EXD3: variants seen among roughly 807,000 people sequenced by gnomAD.
The protein encoded by EXD3 is exonuclease 3'-5' domain containing 3, also known as exonuclease mut-7 homolog.
In EXD3, 92 loss-of-function variants were observed where a neutral mutation model predicts 98.0. The ratio of observed to expected loss-of-function variants is 0.94; its 90% confidence interval spans 0.79 to 1.12. EXD3 has a LOEUF of 1.12. Ranked by LOEUF, EXD3 falls within the 50% of genes most tolerant of loss-of-function variation. EXD3 has a pLI of 0.00. For missense variants in EXD3, 1,222 were observed against 1,191.6 expected (o/e 1.03, Z -0.38); for synonymous variants, 569 against 526.0 (o/e 1.08, Z -1.12).
chr9:137,309,806 C>T (rs1831269461), intron 19 of EXD3, 106 bp from the exon 20 acceptor site: 1 of 811,838 alleles, frequency 1.2e-6, no homozygotes, highest in Non-Finnish European at 2.0e-6. Flanking sequence ...CATGGGGTTT[C>T]ACAGAGACAG....
At chr9:137,379,165 T>G (rs1202286750) in intron 3 of EXD3, among the ~76,000 whole-genome samples, 5 of 25,726 alleles carry the variant, frequency 1.9e-4, no homozygotes, top group African/African-American at 2.9e-4. Context: ...CGGTGACCGT[T>G]GCCTGGGGCC....
chr9:137,370,193 T>TG (rs1393255577), intron 5 of EXD3, among the ~76,000 whole-genome samples: 2 of 152,154 alleles, frequency 1.3e-5, no homozygotes, highest in Non-Finnish European at 2.9e-5. Context: ...TCTCAGGCTT[T>TG]GGGGGCCCTG....
chr9:137,407,772 C>T lies in EXD3; in HGVS notation c.-47-12368G>A, dbSNP rs1236015851. Among the ~76,000 whole-genome samples the T allele has an allele frequency of 6.6e-5, 10 of 151,326 alleles. No homozygotes were observed. The highest frequency in any genetic ancestry group is 2.2e-4 in the African/African-American group (9 of 41,364). ...CCAGTGCTTCCGTCACTGGAGCCCA[C>T]GGGTCCACAGGCATTCGAGGTCTTG... On this transcript the variant is annotated intron_variant, in intron 1 of 21. Transcript: ENST00000340951. This position sits in a 1 kb window ranked among gnomAD's most constrained non-coding sequence, Gnocchi z 4.4.
chr9:137,363,678 A>G (rs1430981495), intron 7 of EXD3, among the ~76,000 whole-genome samples: 1 of 152,058 alleles, frequency 6.6e-6, no homozygotes, highest in East Asian at 1.9e-4. Flanking sequence ...AAACTTCACT[A>G]CTGAAACCAT....
At chr9:137,355,527 T>TG (rs1834641314) in intron 8 of EXD3, among the ~76,000 whole-genome samples, 1 of 15,832 alleles carries the variant, frequency 6.3e-5, no homozygotes, top group African/African-American at 2.7e-4. Context: ...GGAAGGAGGA[T>TG]GGAGGAAGGA....
chr9:137,364,850 G>A (rs1401830620), intron 7 of EXD3, among the ~76,000 whole-genome samples: 1 of 146,720 alleles, frequency 6.8e-6, no homozygotes, highest in Non-Finnish European at 1.5e-5. Context: ...CTCACTGCAA[G>A]CTCCGCCTCC....
intron 3 of EXD3, among the ~76,000 whole-genome samples, chr9:137,380,952 A>T (rs920449990): frequency 4.7e-5 from 7 of 150,428 alleles, no homozygotes; most frequent in African/African-American, 1.7e-4. Context: ...ATACAAAAAT[A>T]GCCAGGCGTG....
rs943801746 is a variant in EXD3, at chr9:137,324,230, C to T, written c.1999-87G>A. 1.4e-5 allele frequency: 16 copies of T among 1,184,130 alleles called. No homozygotes were observed. The highest frequency in any genetic ancestry group is 4.2e-5 in the South Asian group (3 of 71,876). 73.4% of individuals were successfully genotyped at this position (1,184,130 alleles called of 1,614,324 possible). A position where few individuals can be genotyped will look rare whatever the true frequency, so the allele number is the denominator to read the frequency against. ...CTCTGCTCGCCACCCCCTAGCTCCC[C>T]GGATCGTGGCCCTGCCCCAGGCCCC... On this transcript the variant is annotated intron_variant, in intron 17 of 21. Coordinates refer to ENST00000340951, the MANE Select transcript of EXD3 (RefSeq NM_017820.5). The surrounding 1 kb of genome is among the most constrained non-coding windows in gnomAD (Gnocchi z 4.1).
chr9:137,327,836 T>G (rs1588258475), intron 17 of EXD3, among the ~76,000 whole-genome samples: 1 of 127,142 alleles, frequency 7.9e-6, no homozygotes, highest in African/African-American at 3.0e-5. Context: ...ACCCATATGA[T>G]GAGTAAAAAC....
intron 1 of EXD3, among the ~76,000 whole-genome samples, chr9:137,410,785 T>G (rs1837958208): frequency 6.6e-6 from 1 of 152,116 alleles, no homozygotes; most frequent in Non-Finnish European, 1.5e-5. Flanking sequence ...GCGACGCTGC[T>G]GAGGGCGGGG....
At chr9:137,406,462 C>CAG (rs1254984012) in intron 1 of EXD3, among the ~76,000 whole-genome samples, 3 of 152,154 alleles carry the variant, frequency 2.0e-5, no homozygotes, top group Non-Finnish European at 2.9e-5. Context: ...GAGGCCCTGA[C>CAG]AGGAGGCCGC....
intron 17 of EXD3, among the ~76,000 whole-genome samples, chr9:137,342,892 C>T (rs1410568900): frequency 2.0e-5 from 3 of 152,188 alleles, no homozygotes; most frequent in Non-Finnish European, 4.4e-5. Flanking sequence ...GAGGCCGAGG[C>T]AGGTGGATTA....
chr9:137,355,035 G>A (rs1331652638), intron 8 of EXD3, among the ~76,000 whole-genome samples: 1 of 152,156 alleles, frequency 6.6e-6, no homozygotes, highest in Non-Finnish European at 1.5e-5. Flanking sequence ...GGGCCTCCCT[G>A]TCTTTCCTCA....
chr9:137,334,997 A>G (rs532514654), intron 17 of EXD3, among the ~76,000 whole-genome samples: 1 of 151,976 alleles, frequency 6.6e-6, no homozygotes, highest in Non-Finnish European at 1.5e-5. Context: ...GAATCACTTG[A>G]ATCTGGGAGG....
At chr9:137,326,167 C>T (rs533560753) in intron 17 of EXD3, among the ~76,000 whole-genome samples, 6 of 152,042 alleles carry the variant, frequency 3.9e-5, no homozygotes, top group South Asian at 4.2e-4. Flanking sequence ...GATATGACAC[C>T]GCAGCAAAGG....
At position 137,323,839 on chromosome 9, in the gene EXD3, C is replaced by A. The variant is rs1478741179; in HGVS notation, c.2070G>T (p.Gly690=). 3.1e-6 allele frequency: 5 copies of A among 1,611,314 alleles called. No individual in the cohort carries two copies. The highest frequency in any genetic ancestry group is 4.2e-6 in the Non-Finnish European group (5 of 1,179,548). ...QPFHKLRAQV[G]AGRCLSVDCS... Reference sequence around the variant, plus strand: ...AGTCGACCGAGAGGCAGCGCCCAGCCCCGACCTGGGCCCGGAGCTGCAAAG... The same window carrying A: ...AGTCGACCGAGAGGCAGCGCCCAGCACCGACCTGGGCCCGGAGCTGCAAAG... The change falls in exon 19 of 22, where the codon GGG becomes GGT. Residue 690 remains glycine (G), a synonymous_variant. Coordinates refer to ENST00000340951, the MANE Select transcript of EXD3 (RefSeq NM_017820.5).
chr9:137,416,218 G>C (rs535396564), intron 1 of EXD3, among the ~76,000 whole-genome samples: 22 of 152,288 alleles, frequency 1.4e-4, no homozygotes, highest in African/African-American at 5.3e-4. Flanking sequence ...AGAATTCTGC[G>C]GTGGCTGGCT....
At position 137,413,542 on chromosome 9, in the gene EXD3, G is replaced by T. The variant is rs188129898; in HGVS notation, c.-48+9572C>A. 5.1e-3 allele frequency among the ~76,000 whole-genome samples: 701 copies of T among 137,536 alleles called. 8 individuals are homozygous for T. The highest frequency in any genetic ancestry group is 0.03 in the Middle Eastern group (7 of 232). The allele number at this position is 137,536 out of a possible 152,430, so 90.2% of individuals were successfully genotyped here. A position where few individuals can be genotyped will look rare whatever the true frequency, so the allele number is the denominator to read the frequency against. On this transcript the variant is annotated intron_variant, in intron 1 of 21. Transcript: ENST00000340951. ...TTTTTTTGAGACAGGGTCTCGCTCT[G>T]TCACCCAGGGTGGAGTGCAGTGGTG...
chr9:137,372,809 C>T, intron 5 of EXD3, 96 bp downstream of exon 5: 3 of 1,298,746 alleles, frequency 2.3e-6, no homozygotes, highest in East Asian at 2.5e-5. Flanking sequence ...AAGCCCCAAA[C>T]AGCCCCCACA....
Sources: gnomAD v4.1 joint callset for allele counts (sites outside exome capture counted in the v4.1 genomes callset) on GRCh38, gnomAD v4.1.1 for gene constraint, Gnocchi (gnomAD v3.1) non-coding constraint, MANE v1.5 for transcripts, NCBI Gene and HGNC (gene_info 2026-07-23, HGNC 2026-07-21) for gene names.